The following SLC12A7 variants were observed in gnomAD, a reference collection of about 807,000 sequenced individuals.
SLC12A7 encodes solute carrier family 12 member 7, also known as K-Cl cotransporter 4.
In SLC12A7, 100 loss-of-function variants were observed where a neutral mutation model predicts 120.6. The ratio of observed to expected loss-of-function variants is 0.83; its 90% confidence interval spans 0.71 to 0.98. The LOEUF (loss-of-function observed/expected upper bound fraction) is 0.98. Ranked by LOEUF, SLC12A7 falls within the 50% of genes least tolerant of loss-of-function variation. The pLI is 0.00. For synonymous variants in SLC12A7, 760 were observed against 678.0 expected (o/e 1.12, Z -1.88); for missense variants, 1,373 against 1,548.1 (o/e 0.89, Z 1.90).
chr5:1,061,133 C>T lies in SLC12A7; in HGVS notation c.2740-682G>A, dbSNP rs1736188399. ...ACCCACCGCACCCGCCGTGCGGGAC[C>T]CCTGCGTCTCACCCGCCGCACCCGC... is the stretch of plus-strand genomic sequence containing the variant. On this transcript the variant is annotated intron_variant, in intron 20 of 23. Coordinates refer to ENST00000264930, the MANE Select transcript of SLC12A7 (RefSeq NM_006598.3). Among the ~76,000 whole-genome samples the T allele has an allele frequency of 1.1e-4, 4 of 36,376 alleles. 1 individual carries two copies. The highest frequency in any genetic ancestry group is 1.8e-4 in the African/African-American group (4 of 22,252). The allele number at this position is 36,376 out of a possible 152,430, so 23.9% of individuals were successfully genotyped here.
chr5:1,119,298 G>C, the SLC12A7 span, among the ~76,000 whole-genome samples: 1 of 152,306 alleles, frequency 6.6e-6, no homozygotes, highest in East Asian at 1.9e-4. Context: ...CTTTTTCCCA[G>C]AGCCCTTTTG....
chr5:1,081,149 A>G (rs1739053681), intron 9 of SLC12A7, among the ~76,000 whole-genome samples: 1 of 152,062 alleles, frequency 6.6e-6, no homozygotes, highest in African/African-American at 2.4e-5. Flanking sequence ...AGAGACAGAG[A>G]AATGGACAAA....
the SLC12A7 span, among the ~76,000 whole-genome samples, chr5:1,139,291 G>A: frequency 1.6e-4 from 24 of 152,364 alleles, no homozygotes; most frequent in East Asian, 2.9e-3. Context: ...TCCCCAGGAC[G>A]TGCGGCCCCA....
intron 22 of SLC12A7, among the ~76,000 whole-genome samples, chr5:1,055,434 C>T (rs772335650): frequency 2.1e-4 from 32 of 152,238 alleles, no homozygotes; most frequent in Admixed American, 9.2e-4. Flanking sequence ...CAGTAAGCCA[C>T]GCACATCTCA....
At chr5:1,154,710 C>T in the SLC12A7 span, among the ~76,000 whole-genome samples, 1 of 152,218 alleles carries the variant, frequency 6.6e-6, no homozygotes, top group Non-Finnish European at 1.5e-5. Context: ...ACAGGCGAAA[C>T]GGACACGCAC....
chr5:1,052,087 C>CTGGCCACGTCCAGGTCACTCCGG lies in SLC12A7; in HGVS notation c.*250_*272dup. On this transcript the variant is annotated 3_prime_UTR_variant, in exon 24 of 24. Transcript: ENST00000264930. The stretch of plus-strand genomic sequence containing the variant: ...GGCTTCTTGTGACCTGCGAGAAGAT[C>CTGGCCACGTCCAGGTCACTCCGG]TGGCCACGTCCAGGTCACTCCGGTA... 2 of 500,484 alleles carry CTGGCCACGTCCAGGTCACTCCGG rather than the reference C, an allele frequency of 4.0e-6. No individual in the cohort carries two copies. Among genetic ancestry groups the CTGGCCACGTCCAGGTCACTCCGG allele is most frequent in the Non-Finnish European group, 7.1e-6 (2 of 282,874 alleles). 31.0% of individuals were successfully genotyped at this position (500,484 alleles called of 1,614,324 possible). A position where few individuals can be genotyped will look rare whatever the true frequency, so the allele number is the denominator to read the frequency against.
At chr5:1,151,822 G>A in the SLC12A7 span, among the ~76,000 whole-genome samples, 25 of 152,152 alleles carry the variant, frequency 1.6e-4, no homozygotes, top group African/African-American at 5.6e-4. This position sits in a 1 kb window ranked among gnomAD's most constrained non-coding sequence, Gnocchi z 6.2. Flanking sequence ...CCTGCACACG[G>A]CTCTCCTTGC....
At chr5:1,058,511 C>T (rs1183948866) in intron 21 of SLC12A7, among the ~76,000 whole-genome samples, 7 of 152,234 alleles carry the variant, frequency 4.6e-5, no homozygotes, top group South Asian at 2.1e-4. Flanking sequence ...GGGAGCCACT[C>T]GTCCCAGGGG....
Position 1,088,467 on chromosome 5 carries a change from C to A in SLC12A7, c.490-107G>T, listed in dbSNP as rs1284857810. Reference sequence around the variant, plus strand: ...ACCCGGCTCCCGCCGAATGCCAGCCCCCAACTCCAGGGCTCTCCATCTCAA... The same window carrying A: ...ACCCGGCTCCCGCCGAATGCCAGCCACCAACTCCAGGGCTCTCCATCTCAA... On this transcript the variant is annotated intron_variant, in intron 4 of 23. Coordinates refer to ENST00000264930, the MANE Select transcript of SLC12A7 (RefSeq NM_006598.3). 8 of 1,220,996 alleles carry A rather than the reference C, an allele frequency of 6.6e-6. No individual in the cohort carries two copies. The South Asian group carries it at 1.0e-4, about 16-fold the overall frequency. 75.6% of individuals were successfully genotyped at this position (1,220,996 alleles called of 1,614,324 possible). A position where few individuals can be genotyped will look rare whatever the true frequency, so the allele number is the denominator to read the frequency against.
chr5:1,077,745 C>T, intron 12 of SLC12A7, 88 bp downstream of exon 12: 1 of 1,353,156 alleles, frequency 7.4e-7, no homozygotes, highest in South Asian at 1.5e-5. Flanking sequence ...GCATGCGTCC[C>T]ACACACGGCA....
At chr5:1,089,513 G>A (rs1252871969) in intron 3 of SLC12A7, among the ~76,000 whole-genome samples, 9 of 149,888 alleles carry the variant, frequency 6.0e-5, no homozygotes, top group Admixed American at 5.3e-4. Context: ...GAGAGCCTGA[G>A]ACTTCAGGAA....
chr5:1,111,828 G>GGC (rs1002846107), intron 1 of SLC12A7, 40 bp downstream of exon 1: 1 of 1,196,932 alleles, frequency 8.4e-7, no homozygotes, highest in Non-Finnish European at 1.0e-6. Flanking sequence ...CCGCGCTCGG[G>GGC]GCGCTCGGCC....
At chr5:1,076,272 G>A (rs1738325510) in intron 13 of SLC12A7, 36 bp from the exon 14 acceptor site, 1 of 1,548,908 alleles carries the variant, frequency 6.5e-7, no homozygotes, top group Non-Finnish European at 8.8e-7. Flanking sequence ...CGGGCCCACT[G>A]GGCCCCCCTG....
intron 15 of SLC12A7, 29 bp downstream of exon 15, chr5:1,075,342 G>T (rs374931886): frequency 6.2e-7 from 1 of 1,601,886 alleles, no homozygotes; most frequent in South Asian, 1.1e-5. Context: ...CCGTGCGCCG[G>T]GTCTGTAAGG....
At chr5:1,086,813 C>CTG in intron 6 of SLC12A7, 90 bp downstream of exon 6, 2 of 1,525,062 alleles carry the variant, frequency 1.3e-6, no homozygotes, top group Non-Finnish European at 1.8e-6. Flanking sequence ...GCTCAGTGTG[C>CTG]TGTGTGTGCC....
intron 6 of SLC12A7, 34 bp downstream of exon 6, chr5:1,086,869 T>C: frequency 6.2e-7 from 1 of 1,606,832 alleles, no homozygotes; most frequent in South Asian, 1.1e-5. Context: ...CCACAGACTG[T>C]GGGGTGGGAA....
chr5:1,142,653 T>C, the SLC12A7 span, among the ~76,000 whole-genome samples: 1 of 148,354 alleles, frequency 6.7e-6, no homozygotes, highest in Non-Finnish European at 1.5e-5. Flanking sequence ...GCTGTCTCTG[T>C]CTCCCTGTCT....
the SLC12A7 span, among the ~76,000 whole-genome samples, chr5:1,129,677 C>T: frequency 5.3e-5 from 8 of 152,016 alleles, no homozygotes; most frequent in Non-Finnish European, 1.0e-4. Flanking sequence ...AACACGGGAA[C>T]ACCTGGGGCA....
At chr5:1,086,852 C>G (rs756216892) in intron 6 of SLC12A7, 51 bp downstream of exon 6, 3 of 1,596,680 alleles carry the variant, frequency 1.9e-6, no homozygotes, top group Non-Finnish European at 2.6e-6. Context: ...GGCCCCTTGG[C>G]ATCCTGCCAC....
Sources: allele counts gnomAD v4.1 joint callset (sites outside exome capture counted in the v4.1 genomes callset), GRCh38; gene constraint gnomAD v4.1.1; non-coding constraint Gnocchi (gnomAD v3.1); transcripts MANE v1.5; gene names NCBI Gene and HGNC (gene_info 2026-07-23, HGNC 2026-07-21).